CWF19L2: variants seen among roughly 807,000 people sequenced by gnomAD.
CWF19L2 encodes the protein CWF19 like cell cycle control factor 2.
Under a neutral mutation model 111.7 loss-of-function variants are expected in CWF19L2, and 98 were observed. That is an observed-to-expected ratio of 0.88 (90% CI 0.75 to 1.04). CWF19L2 has a LOEUF of 1.04. Ranked by LOEUF, CWF19L2 falls within the 50% of genes least tolerant of loss-of-function variation. CWF19L2 has a pLI of 0.00. For missense variants in CWF19L2, 1,101 were observed against 1,051.4 expected (o/e 1.05, Z -0.65); for synonymous variants, 351 against 342.9 (o/e 1.02, Z -0.26).
chr11:107,339,497 G>T (rs1027685704), intron 14 of CWF19L2, among the ~76,000 whole-genome samples: 5 of 151,914 alleles, frequency 3.3e-5, no homozygotes, highest in Admixed American at 3.3e-4. Flanking sequence ...CAGCATCTGG[G>T]GTTGTCAATG....
chr11:107,373,080 A>C (rs372674308), intron 12 of CWF19L2, among the ~76,000 whole-genome samples: 6,107 of 28,800 alleles, frequency 0.21, 2,025 homozygotes, highest in African/African-American at 0.36. Context: ...AAAAAACGGC[A>C]CACTACGAGA....
At chr11:107,347,498 T>C (rs1474052342) in intron 14 of CWF19L2, among the ~76,000 whole-genome samples, 2 of 152,216 alleles carry the variant, frequency 1.3e-5, no homozygotes, top group Non-Finnish European at 2.9e-5. Flanking sequence ...ATTAGTTCAC[T>C]AGCCTACAAT....
intron 8 of CWF19L2, among the ~76,000 whole-genome samples, chr11:107,427,613 C>A (rs745695652): frequency 1.3e-5 from 2 of 152,096 alleles, no homozygotes; most frequent in Non-Finnish European, 2.9e-5. Context: ...CATCCAAATG[C>A]TAACCCAATC....
At chr11:107,360,739 G>A (rs547969274) in intron 12 of CWF19L2, among the ~76,000 whole-genome samples, 67 of 152,278 alleles carry the variant, frequency 4.4e-4, no homozygotes, top group African/African-American at 1.5e-3. Context: ...GATGATTAGC[G>A]ATGTTGAACA....
intron 12 of CWF19L2, among the ~76,000 whole-genome samples, chr11:107,385,517 T>C (rs1037688968): frequency 5.3e-5 from 8 of 152,178 alleles, no homozygotes; most frequent in Admixed American, 3.9e-4. Flanking sequence ...ATCAAAGATG[T>C]AAAATGTTTA....
At chr11:107,412,819 G>A (rs1861176734) in intron 10 of CWF19L2, among the ~76,000 whole-genome samples, 1 of 152,162 alleles carries the variant, frequency 6.6e-6, no homozygotes, top group South Asian at 2.1e-4. Context: ...AAAGAAATGA[G>A]CTATCAAACC....
intron 4 of CWF19L2, among the ~76,000 whole-genome samples, chr11:107,442,275 A>C (rs1173893636): frequency 1.3e-5 from 2 of 152,188 alleles, no homozygotes; most frequent in Non-Finnish European, 2.9e-5. Context: ...GTACTGCCAA[A>C]ATTATTCCTA....
intron 14 of CWF19L2, among the ~76,000 whole-genome samples, chr11:107,342,028 C>A (rs1359423048): frequency 6.6e-6 from 1 of 151,504 alleles, no homozygotes; most frequent in Admixed American, 6.6e-5. Context: ...CATTGATTTT[C>A]TCTATGATTT....
chr11:107,437,157 C>T (rs955965515), intron 6 of CWF19L2, among the ~76,000 whole-genome samples: 1 of 144,642 alleles, frequency 6.9e-6, no homozygotes, highest in African/African-American at 2.5e-5. Context: ...TCTGACATTA[C>T]CATCATTATT....
intron 12 of CWF19L2, among the ~76,000 whole-genome samples, chr11:107,369,199 A>G (rs1256340240): frequency 2.2e-5 from 3 of 137,752 alleles, no homozygotes; most frequent in Non-Finnish European, 4.7e-5. Context: ...TGTGCTCTCT[A>G]TAAAGTCTGT....
At chr11:107,453,615 T>C (rs767368985) in intron 3 of CWF19L2, among the ~76,000 whole-genome samples, 7 of 151,542 alleles carry the variant, frequency 4.6e-5, no homozygotes, top group African/African-American at 9.7e-5. Context: ...TTCCCAGCTG[T>C]GGTGGCTATG....
intron 10 of CWF19L2, among the ~76,000 whole-genome samples, chr11:107,402,600 G>A (rs879130753): frequency 2.0e-5 from 3 of 151,792 alleles, no homozygotes; most frequent in Non-Finnish European, 4.4e-5. Flanking sequence ...GCGTGGATGC[G>A]GTGAACAAGG....
rs200864277 is a variant in CWF19L2, at chr11:107,453,501, A to G, written c.339+949T>C. The stretch of plus-strand genomic sequence containing the variant: ...AGCTCAGCCATAGCTGGTAACCACT[A>G]AAGAGCCCTTAGGCCCTGAATAACC... On this transcript the variant is annotated intron_variant, in intron 3 of 17. Coordinates refer to ENST00000282251, the MANE Select transcript of CWF19L2 (RefSeq NM_152434.3). Among the ~76,000 whole-genome samples the G allele has an allele frequency of 2.0e-4, 31 of 151,832 alleles. No individual in the cohort carries two copies. In the East Asian group the frequency reaches 6.1e-3, roughly 30 times the overall value.
intron 14 of CWF19L2, among the ~76,000 whole-genome samples, chr11:107,345,263 G>A (rs991238212): frequency 6.6e-6 from 1 of 152,154 alleles, no homozygotes; most frequent in Non-Finnish European, 1.5e-5. Context: ...TAGTCATAGA[G>A]TGAGAAGATA....
chr11:107,379,121 G>C (rs973527151), intron 12 of CWF19L2, among the ~76,000 whole-genome samples: 1 of 152,198 alleles, frequency 6.6e-6, no homozygotes, highest in African/African-American at 2.4e-5. Context: ...TTATTAAATG[G>C]GGTTAATTAT....
Position 107,390,218 on chromosome 11 carries a change from C to CA in CWF19L2, c.1735-8dup. On this transcript the variant is annotated splice_polypyrimidine_tract_variant and splice_region_variant and intron_variant, in intron 11 of 17. Transcript: ENST00000282251. ...TTTCCTCATGGGTTGAAACCTATGACAAAATGAACATTATTAATTTAATGA... is the reference window on the plus strand; with the variant it reads ...TTTCCTCATGGGTTGAAACCTATGACAAAAATGAACATTATTAATTTAATGA... The CA allele has an allele frequency of 6.3e-7, 1 of 1,578,044 alleles. No individual in the cohort carries two copies. Among genetic ancestry groups the CA allele is most frequent in the Non-Finnish European group, 8.6e-7 (1 of 1,162,292 alleles).
At position 107,416,313 on chromosome 11, in the gene CWF19L2, A is replaced by G; in HGVS notation, c.1528-15T>C. ...TCAGCTAATTCCTTCAAAAAGAAAAACAAGTAAAATATGTGCGATATGTAG... is the reference window on the plus strand; with the variant it reads ...TCAGCTAATTCCTTCAAAAAGAAAAGCAAGTAAAATATGTGCGATATGTAG... On this transcript the variant is annotated splice_polypyrimidine_tract_variant and intron_variant, in intron 9 of 17. Coordinates refer to ENST00000282251, the MANE Select transcript of CWF19L2 (RefSeq NM_152434.3). 8.1e-7 allele frequency: 1 copy of G among 1,232,004 alleles called. No homozygotes were observed. The highest frequency in any genetic ancestry group is 1.1e-6 in the Non-Finnish European group (1 of 897,132). The allele number at this position is 1,232,004 out of a possible 1,614,324, so 76.3% of individuals were successfully genotyped here. A position where few individuals can be genotyped will look rare whatever the true frequency, so the allele number is the denominator to read the frequency against.
intron 8 of CWF19L2, among the ~76,000 whole-genome samples, chr11:107,424,506 T>A (rs1318149437): frequency 6.6e-6 from 1 of 151,084 alleles, no homozygotes; most frequent in Non-Finnish European, 1.5e-5. Flanking sequence ...TTATTATCCA[T>A]CCAAAGCGCA....
chr11:107,381,824 C>T (rs1325798322), intron 12 of CWF19L2, among the ~76,000 whole-genome samples: 2 of 151,952 alleles, frequency 1.3e-5, no homozygotes, highest in Non-Finnish European at 2.9e-5. Flanking sequence ...ATATATTAAG[C>T]CTTAAGTGTT....
Sources: gnomAD v4.1 joint callset for allele counts (sites outside exome capture counted in the v4.1 genomes callset) on GRCh38, gnomAD v4.1.1 for gene constraint, MANE v1.5 for transcripts, NCBI Gene and HGNC (gene_info 2026-07-23, HGNC 2026-07-21) for gene names.